Variants in FOXP1 observed in about 807,000 individuals in gnomAD.
FOXP1 encodes forkhead box P1.
FOXP1 carries 15 observed loss-of-function variants against 98.2 expected under a neutral mutation model. The observed-to-expected ratio is 0.15, with a 90% CI of 0.10 to 0.24. FOXP1 has a LOEUF of 0.24. Ranked by LOEUF, FOXP1 falls within the 10% of genes least tolerant of loss-of-function variation. The pLI, the probability that FOXP1 is intolerant of heterozygous loss-of-function variation, is 1.00. For missense variants in FOXP1, 633 were observed against 848.5 expected (o/e 0.75, Z 3.15); for synonymous variants, 371 against 314.5 (o/e 1.18, Z -1.90).
intron 5 of FOXP1, among the ~76,000 whole-genome samples, chr3:71,259,484 A>C (rs1021639772): frequency 2.0e-5 from 3 of 152,212 alleles, no homozygotes; most frequent in Non-Finnish European, 2.9e-5. Flanking sequence ...TTGTCCACCA[A>C]GGATAGTGAA....
chr3:70,958,121 C>CTTTTT lies in FOXP1; in HGVS notation c.*1121_*1125dup, dbSNP rs199626546. 3.3e-5 allele frequency: 9 copies of CTTTTT among 268,730 alleles called. No homozygotes were observed. The East Asian group carries it at 4.6e-4, about 14-fold the overall frequency. 16.6% of individuals were successfully genotyped at this position (268,730 alleles called of 1,614,324 possible). A position where few individuals can be genotyped will look rare whatever the true frequency, so the allele number is the denominator to read the frequency against. The stretch of plus-strand genomic sequence containing the variant: ...ATATTGTCAGTCTAATTAATATGAG[C>CTTTTT]TTTTTTTTTTTTTTCAGTGCTGCCT... On this transcript the variant is annotated 3_prime_UTR_variant, in exon 21 of 21. Transcript: ENST00000649528.
intron 3 of FOXP1, among the ~76,000 whole-genome samples, chr3:71,457,478 G>C (rs1055448097): frequency 6.6e-6 from 1 of 152,178 alleles, no homozygotes; most frequent in East Asian, 1.9e-4. Flanking sequence ...AAGTCCTTGA[G>C]GGGTTGATCC....
At chr3:71,336,887 G>C (rs1277907473) in intron 4 of FOXP1, among the ~76,000 whole-genome samples, 19 of 152,228 alleles carry the variant, frequency 1.2e-4, no homozygotes, top group Admixed American at 1.2e-3. Context: ...AAGGCAGAGG[G>C]ACATGTTGAA....
At position 71,452,092 on chromosome 3, in the gene FOXP1, T is replaced by A. The variant is rs188441188; in HGVS notation, c.-168+41334A>T. On this transcript the variant is annotated intron_variant, in intron 3 of 20. Transcript: ENST00000649528. ...CAGGAGGGTAAAGACGTACATGTCA[T>A]TGCCAAATATTTACTGGCGACGTCT... is the stretch of plus-strand genomic sequence containing the variant. Among the ~76,000 whole-genome samples the A allele has an allele frequency of 2.6e-5, 4 of 152,290 alleles. No individual in the cohort carries two copies. The East Asian group carries it at 7.7e-4, about 29-fold the overall frequency.
intron 2 of FOXP1, among the ~76,000 whole-genome samples, chr3:71,556,190 A>G (rs970671805): frequency 7.9e-5 from 12 of 152,228 alleles, no homozygotes; most frequent in African/African-American, 2.9e-4. Context: ...AAATCACAAA[A>G]GCACTGCAAA....
At chr3:71,042,211 T>C (rs1368089573) in intron 10 of FOXP1, among the ~76,000 whole-genome samples, 1 of 152,242 alleles carries the variant, frequency 6.6e-6, no homozygotes, top group Non-Finnish European at 1.5e-5. Context: ...ATTACTGTCA[T>C]TTCTTAGATC....
chr3:71,475,743 G>A (rs913667435), intron 3 of FOXP1, among the ~76,000 whole-genome samples: 1 of 152,164 alleles, frequency 6.6e-6, no homozygotes, highest in African/African-American at 2.4e-5. Flanking sequence ...TCAGGAGGCT[G>A]AAGTAGGAGA....
Position 71,547,735 on chromosome 3 carries a change from A to C in FOXP1, c.-298+33814T>G, listed in dbSNP as rs145645968. ...CCAAACACCTGGTTGGCTACTTATC[A>C]GTAGCAACCCTATAAGCAACCCATT... On this transcript the variant is annotated intron_variant, in intron 2 of 20. Transcript: ENST00000649528. Among the ~76,000 whole-genome samples, 3 of 152,324 alleles carry C rather than the reference A, an allele frequency of 2.0e-5. No homozygotes were observed. The East Asian group carries it at 5.8e-4, about 29-fold the overall frequency.
intron 13 of FOXP1, among the ~76,000 whole-genome samples, chr3:70,994,638 ATCCAGTGC>A (rs1481226115): frequency 6.6e-6 from 1 of 152,302 alleles, no homozygotes; most frequent in East Asian, 1.9e-4. Context: ...TACTATCTGT[ATCCAGTGC>A]TCCCTATATA....
chr3:71,271,114 C>T (rs928907210), intron 5 of FOXP1, among the ~76,000 whole-genome samples: 1 of 152,218 alleles, frequency 6.6e-6, no homozygotes, highest in Admixed American at 6.5e-5. Flanking sequence ...CCTGTAATCT[C>T]AGCTACTTGG....
At chr3:71,495,167 A>C (rs2091320907) in intron 2 of FOXP1, among the ~76,000 whole-genome samples, 1 of 152,172 alleles carries the variant, frequency 6.6e-6, no homozygotes, top group South Asian at 2.1e-4. Flanking sequence ...GGGCTGGTGC[A>C]CTTGCTATCT....
chr3:71,526,827 C>T (rs775209847), intron 2 of FOXP1, among the ~76,000 whole-genome samples: 28 of 152,000 alleles, frequency 1.8e-4, no homozygotes, highest in Non-Finnish European at 3.8e-4. Flanking sequence ...ATTAGTCGGG[C>T]GTGGTGGCGC....
intron 11 of FOXP1, among the ~76,000 whole-genome samples, chr3:71,033,623 A>C (rs1168439909): frequency 1.3e-5 from 2 of 150,458 alleles, no homozygotes; most frequent in Non-Finnish European, 3.0e-5. Context: ...AAAAAAAAAA[A>C]AAAACAACCC....
intron 20 of FOXP1, among the ~76,000 whole-genome samples, chr3:70,960,353 C>G (rs1184591267): frequency 6.6e-6 from 1 of 152,086 alleles, no homozygotes; most frequent in Non-Finnish European, 1.5e-5. Flanking sequence ...TGGTAGCAGC[C>G]ACTGGGATGA....
intron 7 of FOXP1, among the ~76,000 whole-genome samples, chr3:71,108,018 T>G (rs866050674): frequency 1.6e-4 from 25 of 152,034 alleles, no homozygotes; most frequent in African/African-American, 5.8e-4. Context: ...GCCTTCTGAG[T>G]AAGGGGCTCA....
intron 6 of FOXP1, among the ~76,000 whole-genome samples, chr3:71,188,273 T>C (rs1018639267): frequency 3.9e-5 from 6 of 152,182 alleles, no homozygotes; most frequent in Non-Finnish European, 7.3e-5. Flanking sequence ...TAAAAGTTAT[T>C]GGATTTGAAT....
At chr3:71,495,771 G>T (rs764636728) in intron 2 of FOXP1, among the ~76,000 whole-genome samples, 4 of 152,130 alleles carry the variant, frequency 2.6e-5, no homozygotes. Flanking sequence ...TAATATAAAA[G>T]TCCTGAGTTT....
At position 71,063,965 on chromosome 3, in the gene FOXP1, C is replaced by G. The variant is rs566559318; in HGVS notation, c.283-10192G>C. On this transcript the variant is annotated intron_variant, in intron 7 of 20. Transcript: ENST00000649528. Reference sequence around the variant, plus strand: ...AGGAGAGGGGTAAAAAGTCCCGTTTCCACTGACCGTCCTTCATGCAGTTCT... The same window carrying G: ...AGGAGAGGGGTAAAAAGTCCCGTTTGCACTGACCGTCCTTCATGCAGTTCT... 1.5e-4 allele frequency among the ~76,000 whole-genome samples: 23 copies of G among 152,312 alleles called. No homozygotes were observed. In the South Asian group the frequency reaches 4.4e-3, roughly 29 times the overall value.
intron 4 of FOXP1, among the ~76,000 whole-genome samples, chr3:71,322,770 G>A (rs961753699): frequency 3.3e-5 from 5 of 152,172 alleles, no homozygotes; most frequent in Admixed American, 2.0e-4. Context: ...TGGACTTACT[G>A]TGGAAAACAG....
Sources: gnomAD v4.1 joint callset for allele counts (sites outside exome capture counted in the v4.1 genomes callset) on GRCh38, gnomAD v4.1.1 for gene constraint, MANE v1.5 for transcripts, NCBI Gene and HGNC (gene_info 2026-07-23, HGNC 2026-07-21) for gene names.